PABIR3: variants seen among roughly 807,000 people sequenced by gnomAD.
PABIR3 encodes the protein PABIR family member 1.
A neutral mutation model predicts 23.1 loss-of-function variants in PABIR3; 20 were observed. That is an observed-to-expected ratio of 0.86 (90% CI 0.61 to 1.26). The LOEUF (loss-of-function observed/expected upper bound fraction) is 1.26. Among genes scored for constraint, PABIR3 ranks in the 50% most tolerant of loss-of-function variants. PABIR3 has a pLI of 0.00. For missense variants in PABIR3, 189 were observed against 195.4 expected (o/e 0.97, Z 0.20); for synonymous variants, 69 against 68.5 (o/e 1.01, Z -0.04).
rs761404879 is a variant in PABIR3, at chrX:134,849,965, C to T, written c.589+737C>T. Among the ~76,000 whole-genome samples the T allele has an allele frequency of 4.8e-5, 5 of 103,204 alleles. No individual in the cohort carries two copies. The East Asian group carries it at 1.2e-3, about 26-fold the overall frequency. 89.6% of individuals were successfully genotyped at this position (103,204 alleles called of 115,157 possible). A position where few individuals can be genotyped will look rare whatever the true frequency, so the allele number is the denominator to read the frequency against. On this transcript the variant is annotated intron_variant, in intron 9 of 10. Transcript: ENST00000645433. ...TTGGCTCACTGCAACCTCTTCCTCC[C>T]GGGTTCAAGCGATTCTCCTGCCTCA... is the stretch of plus-strand genomic sequence containing the variant.
At chrX:134,852,508 T>C (rs1367609250) in intron 9 of PABIR3, among the ~76,000 whole-genome samples, 1 of 109,848 alleles carries the variant, frequency 9.1e-6, no homozygotes, top group East Asian at 2.8e-4. Flanking sequence ...TATCATCTTA[T>C]AGAATTTAGT....
rs148627416 is a variant in PABIR3 at position 134,821,893 on chromosome X, T to C, written c.189+7044T>C. Reference sequence around the variant, plus strand: ...TATCTCTAGTTACTATAGTAGGAAATGGCTTAAAAACAGCAAACCTAGGAA... The same window carrying C: ...TATCTCTAGTTACTATAGTAGGAAACGGCTTAAAAACAGCAAACCTAGGAA... On this transcript the variant is annotated intron_variant, in intron 3 of 10. Transcript: ENST00000645433. 2.3e-3 allele frequency: 1,744 copies of C among 761,138 alleles called. 33 individuals are homozygous for C. The African/African-American group carries it at 0.037, about 16-fold the overall frequency. The allele number at this position is 761,138 out of a possible 1,213,427, so 62.7% of individuals were successfully genotyped here. A position where few individuals can be genotyped will look rare whatever the true frequency, so the allele number is the denominator to read the frequency against.
chrX:134,844,035 G>C, intron 4 of PABIR3: 1 of 99,750 alleles, frequency 1.0e-5, no homozygotes, highest in Non-Finnish European at 2.0e-5. Flanking sequence ...AGCAATTCTT[G>C]TGCCTCAGCC....
At chrX:134,864,488 C>A in the PABIR3 span, among the ~76,000 whole-genome samples, 21 of 111,919 alleles carry the variant, frequency 1.9e-4, no homozygotes, top group Non-Finnish European at 3.8e-5. Flanking sequence ...TGGCTCCAGG[C>A]TACACTGATC....
At chrX:134,844,002 G>A (rs1603242054) in intron 4 of PABIR3, 1 of 94,792 alleles carries the variant, frequency 1.1e-5, no homozygotes, top group African/African-American at 4.2e-5. Context: ...TCAGCTCACT[G>A]CAACCTTTGC....
At chrX:134,840,447 C>T (rs1222527070) in intron 4 of PABIR3, among the ~76,000 whole-genome samples, 1 of 111,616 alleles carries the variant, frequency 9.0e-6, no homozygotes, top group Admixed American at 9.5e-5. Context: ...CTTCCCATTA[C>T]CTATTGAATA....
At chrX:134,796,779 C>G (rs1423800230), upstream of PABIR3, 2 of 112,881 alleles carry the variant, frequency 1.8e-5, no homozygotes, top group African/African-American at 6.5e-5. Context: ...ATGCTGCTAT[C>G]TTTCCGGCTG....
chrX:134,824,226 TG>T (rs2081411629), intron 3 of PABIR3, among the ~76,000 whole-genome samples: 1 of 111,894 alleles, frequency 8.9e-6, no homozygotes, highest in Admixed American at 9.6e-5. Flanking sequence ...TTGGACAAGT[TG>T]CTTAATCACT....
At chrX:134,832,893 C>T (rs2081856311) in intron 4 of PABIR3, 2 of 111,465 alleles carry the variant, frequency 1.8e-5, no homozygotes, top group Admixed American at 1.9e-4. Flanking sequence ...GGTGATATAC[C>T]TTGGAGTGAG....
intron 2 of PABIR3, chrX:134,810,679 T>C: frequency 1.3e-6 from 1 of 754,686 alleles, no homozygotes; most frequent in Non-Finnish European, 1.6e-6. Context: ...TGCATATGTA[T>C]ACTGCTCACT....
At chrX:134,831,567 A>T (rs1404348973) in intron 4 of PABIR3, 1 of 111,555 alleles carries the variant, frequency 9.0e-6, no homozygotes, top group African/African-American at 3.3e-5. Flanking sequence ...CGTTTTGAGG[A>T]TGAAAAGAAT....
intron 9 of PABIR3, among the ~76,000 whole-genome samples, chrX:134,850,063 C>T (rs189651670): frequency 1.9e-5 from 2 of 107,282 alleles, no homozygotes; most frequent in East Asian, 5.9e-4. Flanking sequence ...TTAGTAGAGA[C>T]AGAGTTTCAC....
At chrX:134,850,697 G>A (rs1161108296) in intron 9 of PABIR3, among the ~76,000 whole-genome samples, 4 of 112,174 alleles carry the variant, frequency 3.6e-5, no homozygotes, top group African/African-American at 9.7e-5. Flanking sequence ...AGTTTTCTTA[G>A]AATTTATGAT....
intron 2 of PABIR3, chrX:134,809,986 A>G (rs1421558818): frequency 1.1e-5 from 8 of 754,978 alleles, no homozygotes; most frequent in Non-Finnish European, 1.3e-5. Flanking sequence ...GCTGAGAACA[A>G]GAACATTTTA....
intron 4 of PABIR3, among the ~76,000 whole-genome samples, chrX:134,840,354 A>AT (rs2082184806): frequency 1.8e-5 from 2 of 110,568 alleles, no homozygotes; most frequent in South Asian, 7.8e-4. Flanking sequence ...AGAATGATCA[A>AT]TAAAAAAAAA....
At chrX:134,848,934 C>T (rs867652717) in intron 8 of PABIR3, among the ~76,000 whole-genome samples, 12 of 111,583 alleles carry the variant, frequency 1.1e-4, no homozygotes, top group Admixed American at 4.8e-4. Context: ...ACCCAGGAGG[C>T]GGAGGCTGCA....
chrX:134,837,013 G>C (rs2081994655), intron 4 of PABIR3, among the ~76,000 whole-genome samples: 1 of 110,605 alleles, frequency 9.0e-6, no homozygotes, highest in South Asian at 3.9e-4. Context: ...AGACCAGCCT[G>C]GGCAACATAA....
the PABIR3 span, among the ~76,000 whole-genome samples, chrX:134,861,755 G>C: frequency 1.8e-5 from 2 of 110,017 alleles, no homozygotes; most frequent in Non-Finnish European, 3.8e-5. Context: ...AATAAAATGC[G>C]AATAAGTACA....
intron 3 of PABIR3, among the ~76,000 whole-genome samples, chrX:134,827,523 G>A (rs891567409): frequency 6.3e-5 from 7 of 111,283 alleles, no homozygotes; most frequent in African/African-American, 2.3e-4. Flanking sequence ...TCTGCATGAT[G>A]TTGCTAGGGT....
Sources: allele counts gnomAD v4.1 joint callset (sites outside exome capture counted in the v4.1 genomes callset), GRCh38; gene constraint gnomAD v4.1.1; transcripts MANE v1.5; gene names NCBI Gene and HGNC (gene_info 2026-07-23, HGNC 2026-07-21).